The following FAM171A1 variants were observed in gnomAD, a reference collection of about 807,000 sequenced individuals.
FAM171A1 encodes family with sequence similarity 171 member A1.
A neutral mutation model predicts 74.9 loss-of-function variants in FAM171A1; 23 were observed. The ratio of observed to expected loss-of-function variants is 0.31; its 90% CI spans 0.22 to 0.44. The LOEUF (loss-of-function observed/expected upper bound fraction) is 0.44. Ranked by LOEUF, FAM171A1 falls within the 20% of genes least tolerant of loss-of-function variation. The pLI is 1.00. For missense variants in FAM171A1, 1,162 were observed against 1,159.2 expected, an observed-to-expected ratio of 1.00 and a Z score of -0.03; for synonymous variants, 527 against 505.7, an observed-to-expected ratio of 1.04 and a Z score of -0.57.
intron 1 of FAM171A1, among the ~76,000 whole-genome samples, chr10:15,335,171 G>C (rs1268240173): frequency 1.3e-5 from 2 of 152,178 alleles, no homozygotes; most frequent in Non-Finnish European, 2.9e-5. Flanking sequence ...TTGAGCCCAG[G>C]AGGTGGAATT....
chr10:15,306,177 A>C (rs1410194429), intron 1 of FAM171A1, among the ~76,000 whole-genome samples: 1 of 152,238 alleles, frequency 6.6e-6, no homozygotes, highest in Non-Finnish European at 1.5e-5. Flanking sequence ...TTACCTGAAT[A>C]ATGTGATTGA....
chr10:15,324,254 T>C (rs1564278760), intron 1 of FAM171A1, among the ~76,000 whole-genome samples: 1 of 152,100 alleles, frequency 6.6e-6, no homozygotes, highest in African/African-American at 2.4e-5. Flanking sequence ...CCTTTCTCCG[T>C]CTTTTCCTAA....
At chr10:15,333,176 T>TC (rs1339598136) in intron 1 of FAM171A1, among the ~76,000 whole-genome samples, 1 of 152,154 alleles carries the variant, frequency 6.6e-6, no homozygotes, top group Non-Finnish European at 1.5e-5. Flanking sequence ...AGCGTTTGGG[T>TC]CCTGGGAACT....
chr10:15,237,112 C>A (rs1834301133), intron 5 of FAM171A1, among the ~76,000 whole-genome samples: 1 of 152,130 alleles, frequency 6.6e-6, no homozygotes, highest in Non-Finnish European at 1.5e-5. Flanking sequence ...ATGGGGAAAG[C>A]CCGCAGGAAG....
At chr10:15,243,516 C>A (rs1437700262) in intron 5 of FAM171A1, among the ~76,000 whole-genome samples, 1 of 152,126 alleles carries the variant, frequency 6.6e-6, no homozygotes, top group Admixed American at 6.5e-5. Context: ...TTTCATACAC[C>A]TGTGCCATAT....
intron 1 of FAM171A1, among the ~76,000 whole-genome samples, chr10:15,320,177 T>C (rs551735859): frequency 6.6e-6 from 1 of 152,312 alleles, no homozygotes; most frequent in Admixed American, 6.5e-5. Context: ...TTTGTGTCCA[T>C]GTATACTCAG....
At chr10:15,336,518 T>C (rs1333994935) in intron 1 of FAM171A1, among the ~76,000 whole-genome samples, 2 of 152,158 alleles carry the variant, frequency 1.3e-5, no homozygotes, top group African/African-American at 4.8e-5. Flanking sequence ...CCCATGTACT[T>C]TTTCAATTTT....
intron 7 of FAM171A1, among the ~76,000 whole-genome samples, chr10:15,214,967 G>A (rs1164507793): frequency 1.3e-5 from 2 of 151,922 alleles, no homozygotes; most frequent in Non-Finnish European, 2.9e-5. Flanking sequence ...GGCCTGTGTT[G>A]CCCAGGCTGG....
intron 2 of FAM171A1, among the ~76,000 whole-genome samples, chr10:15,279,516 T>C (rs1411802046): frequency 4.5e-5 from 6 of 132,878 alleles, no homozygotes; most frequent in Middle Eastern, 3.8e-3. Context: ...TCATACCAAG[T>C]AGATTTTTTT....
intron 1 of FAM171A1, among the ~76,000 whole-genome samples, chr10:15,343,402 T>C (rs10906890): frequency 0.5 from 76,663 of 152,034 alleles, 19,667 homozygotes; most frequent in East Asian, 0.8. Context: ...CACCAGCTAT[T>C]GCAATCCAGG....
At chr10:15,326,758 G>C (rs1835560253) in intron 1 of FAM171A1, among the ~76,000 whole-genome samples, 1 of 152,172 alleles carries the variant, frequency 6.6e-6, no homozygotes, top group Non-Finnish European at 1.5e-5. Flanking sequence ...CTCCCAGGTA[G>C]CTGGGATTAC....
At chr10:15,315,857 T>C (rs573699358) in intron 1 of FAM171A1, among the ~76,000 whole-genome samples, 1 of 152,090 alleles carries the variant, frequency 6.6e-6, no homozygotes, top group East Asian at 1.9e-4. Context: ...CCCCTGACTA[T>C]CAATATAAGG....
intron 1 of FAM171A1, among the ~76,000 whole-genome samples, chr10:15,303,896 T>C (rs554841058): frequency 1.3e-5 from 2 of 152,266 alleles, no homozygotes; most frequent in African/African-American, 2.4e-5. Context: ...ATGAAAGAGA[T>C]TAAGTCAAGT....
intron 1 of FAM171A1, among the ~76,000 whole-genome samples, chr10:15,367,215 C>G (rs991285163): frequency 1.3e-5 from 2 of 151,944 alleles, no homozygotes; most frequent in Non-Finnish European, 2.9e-5. Flanking sequence ...AACAAACAAA[C>G]AAACAAACAC....
intron 3 of FAM171A1, among the ~76,000 whole-genome samples, chr10:15,267,838 T>A (rs959594612): frequency 3.3e-5 from 5 of 150,370 alleles, no homozygotes; most frequent in African/African-American, 1.2e-4. Context: ...GGACGAAGTG[T>A]GGTGTCACTG....
chr10:15,249,568 C>T (rs1227093551), intron 4 of FAM171A1, among the ~76,000 whole-genome samples: 1 of 152,156 alleles, frequency 6.6e-6, no homozygotes, highest in East Asian at 1.9e-4. Flanking sequence ...CTTAATAAAA[C>T]CAAATGTTTT....
intron 1 of FAM171A1, among the ~76,000 whole-genome samples, chr10:15,304,045 A>G (rs1226772347): frequency 6.6e-6 from 1 of 152,300 alleles, no homozygotes; most frequent in Non-Finnish European, 1.5e-5. Flanking sequence ...AAACCCAAAG[A>G]GACTGGCAAT....
In FAM171A1 at chr10:15,353,862, G is replaced by A. The variant is rs139201362; in HGVS notation, c.97+17094C>T. Among the ~76,000 whole-genome samples, 581 of 152,262 alleles carry A rather than the reference G, an allele frequency of 3.8e-3. 2 individuals are homozygous for A. The highest frequency in any genetic ancestry group is 0.013 in the African/African-American group (555 of 41,548). On this transcript the variant is annotated intron_variant, in intron 1 of 7. Transcript: ENST00000378116. ...GAAAGGGAGGAACCTGAAGTAAAGGGAGGGACCTGACTCCAACACTCCATT... is the reference window on the plus strand; with the variant it reads ...GAAAGGGAGGAACCTGAAGTAAAGGAAGGGACCTGACTCCAACACTCCATT...
chr10:15,301,357 TATA>T (rs1365557819), intron 1 of FAM171A1, among the ~76,000 whole-genome samples: 1 of 137,094 alleles, frequency 7.3e-6, no homozygotes, highest in Non-Finnish European at 1.6e-5. Flanking sequence ...TATATATATA[TATA>T]TATTTTTTTT....
Sources: allele counts gnomAD v4.1 joint callset (sites outside exome capture counted in the v4.1 genomes callset), GRCh38; gene constraint gnomAD v4.1.1; transcripts MANE v1.5; gene names NCBI Gene and HGNC (gene_info 2026-07-23, HGNC 2026-07-21).